The following TRPV1 variants were observed in gnomAD, a reference collection of about 807,000 sequenced individuals.
TRPV1 encodes the protein transient receptor potential cation channel subfamily V member 1, also known as OTRPC1.
In TRPV1, 82 loss-of-function variants were observed where a neutral mutation model predicts 82.3. The observed-to-expected ratio is 1.00, with a 90% CI of 0.83 to 1.20. The LOEUF (loss-of-function observed/expected upper bound fraction) is 1.20. TRPV1 is among the 50% of genes most tolerant of loss of function. The probability of loss-of-function intolerance (pLI) is 0.00; values close to 1 mark genes in which losing one functional copy is unlikely to be tolerated. For missense variants in TRPV1, 1,067 were observed against 1,096.8 expected (o/e 0.97, Z 0.38); for synonymous variants, 515 against 467.7 (o/e 1.10, Z -1.30).
Position 3,573,933 on chromosome 17 carries a change from G to C in TRPV1, c.1803C>G (p.Asp601Glu). 3 of 1,604,434 alleles carry C rather than the reference G, an allele frequency of 1.9e-6. No individual in the cohort carries two copies. Among genetic ancestry groups the C allele is most frequent in the Non-Finnish European group, 2.5e-6 (3 of 1,176,864 alleles). Reference sequence around the variant, plus strand: ...CAGACGGCAGGGAGTCATTCTTCCCGTCTTCAATCAGCGTCACCACCGCTA... The same window carrying C: ...CAGACGGCAGGGAGTCATTCTTCCCCTCTTCAATCAGCGTCACCACCGCTA... ...FSTAVVTLIE[D>E]GKNDSLPSES... The change falls in exon 14 of 17, where the codon GAC becomes GAG. Residue 601 changes from aspartate to glutamate, a missense_variant. Physicochemically the swap from Asp to Glu is conservative, Grantham distance 45. Coordinates refer to ENST00000572705, the MANE Select transcript of TRPV1 (RefSeq NM_080704.4).
chr17:3,600,374 G>C (rs1428047883), intron 2 of TRPV1, among the ~76,000 whole-genome samples: 1 of 152,164 alleles, frequency 6.6e-6, no homozygotes, highest in Non-Finnish European at 1.5e-5. Flanking sequence ...GACTGTCTGA[G>C]GTCAGGAGTT....
Position 3,570,301 on chromosome 17 carries a change from C to A in TRPV1, c.2347+1223G>T, listed in dbSNP as rs187958673. On this transcript the variant is annotated intron_variant, in intron 16 of 16. Coordinates refer to ENST00000572705, the MANE Select transcript of TRPV1 (RefSeq NM_080704.4). ...AGGAGAATCGCTTGAACCCGGGAGG[C>A]GGAGGGTGCAGTAAACCCAGATCAC... Among the ~76,000 whole-genome samples the A allele has an allele frequency of 9.0e-3, 1,352 of 150,326 alleles. 17 individuals are homozygous for A. The highest frequency in any genetic ancestry group is 0.031 in the African/African-American group (1,275 of 40,802).
At position 3,582,189 on chromosome 17, in the gene TRPV1, CAAAAAA is replaced by C. The variant is rs71153376; in HGVS notation, c.1476+1143_1476+1148del. Reference sequence around the variant, plus strand: ...TGGGCGAAAGAGTGAGACTCCATCTCAAAAAAAAAAAAAAAAAAAAAAAAATCACAG... The same window carrying C: ...TGGGCGAAAGAGTGAGACTCCATCTCAAAAAAAAAAAAAAAAAAATCACAG... On this transcript the variant is annotated intron_variant, in intron 10 of 16. Coordinates refer to ENST00000572705, the MANE Select transcript of TRPV1 (RefSeq NM_080704.4). Among the ~76,000 whole-genome samples the C allele has an allele frequency of 2.7e-4, 7 of 25,914 alleles. 1 individual carries two copies. The East Asian group carries it at 0.013, about 47-fold the overall frequency. The allele number at this position is 25,914 out of a possible 152,430, so 17.0% of individuals were successfully genotyped here.
chr17:3,583,501 TG>T, intron 9 of TRPV1, 71 bp from the exon 10 acceptor site: 1 of 1,275,574 alleles, frequency 7.8e-7, no homozygotes, highest in African/African-American at 1.5e-5. Flanking sequence ...ACCAGGTCCA[TG>T]AAGCCATAGT....
intron 16 of TRPV1, among the ~76,000 whole-genome samples, chr17:3,568,788 T>A (rs1187845731): frequency 6.6e-6 from 1 of 152,068 alleles, no homozygotes; most frequent in African/African-American, 2.4e-5. Flanking sequence ...GCACCTGTCA[T>A]CCCAACACTT....
chr17:3,588,958 C>G (rs1040163760), intron 7 of TRPV1: 1 of 1,535,574 alleles, frequency 6.5e-7, no homozygotes, highest in African/African-American at 1.4e-5. Flanking sequence ...GGTCCATTCT[C>G]GATAACCTCA....
At chr17:3,596,434 A>G (rs1456649199) in intron 2 of TRPV1, among the ~76,000 whole-genome samples, 1 of 152,196 alleles carries the variant, frequency 6.6e-6, no homozygotes, top group Admixed American at 6.5e-5. Context: ...AAAGGGAGGC[A>G]GTAGGCTGCG....
At position 3,603,773 on chromosome 17, in the gene TRPV1, A is replaced by G. The variant is rs116957819; in HGVS notation, c.-34+4654T>C. Among the ~76,000 whole-genome samples the G allele has an allele frequency of 3.7e-4, 57 of 152,338 alleles. No homozygotes were observed. The East Asian group carries it at 0.011, about 29-fold the overall frequency. On this transcript the variant is annotated intron_variant, in intron 2 of 16. Coordinates refer to ENST00000572705, the MANE Select transcript of TRPV1 (RefSeq NM_080704.4). ...TTGCTTAATGTTTGATGAGTCACGC[A>G]AGTGAGCATCTCTGTATCAGGACTC...
Position 3,592,396 on chromosome 17 carries a change from C to T in TRPV1, c.-33-13G>A, listed in dbSNP as rs1024720743. ...CCCAGTGTGCAACCTGCAGCAGCCA[C>T]CACGCCGGGGTTGACTCCCAAAGTA... On this transcript the variant is annotated splice_polypyrimidine_tract_variant and intron_variant, in intron 2 of 16. Coordinates refer to ENST00000572705, the MANE Select transcript of TRPV1 (RefSeq NM_080704.4). The T allele has an allele frequency of 6.5e-7, 1 of 1,539,684 alleles. No individual in the cohort carries two copies. Among genetic ancestry groups the T allele is most frequent in the Non-Finnish European group, 8.7e-7 (1 of 1,142,872 alleles).
intron 13 of TRPV1, 96 bp from the exon 14 acceptor site, chr17:3,574,051 T>A: frequency 1.8e-6 from 2 of 1,103,846 alleles, no homozygotes; most frequent in Non-Finnish European, 2.5e-6. Context: ...CTCAAATAAC[T>A]TTGTGACAAG....
chr17:3,603,448 TGTGCTAGA>T (rs2075278056), intron 2 of TRPV1, among the ~76,000 whole-genome samples: 1 of 152,218 alleles, frequency 6.6e-6, no homozygotes, highest in African/African-American at 2.4e-5. Context: ...GAGGCCCGCG[TGTGCTAGA>T]TGCCGGCTGT....
chr17:3,603,754 A>G (rs1461679296), intron 2 of TRPV1, among the ~76,000 whole-genome samples: 1 of 152,138 alleles, frequency 6.6e-6, no homozygotes, highest in East Asian at 1.9e-4. Context: ...AGGTTTGCTT[A>G]ATGTTTGATG....
intron 2 of TRPV1, among the ~76,000 whole-genome samples, chr17:3,595,450 A>T (rs1270993713): frequency 6.6e-6 from 1 of 152,096 alleles, no homozygotes; most frequent in African/African-American, 2.4e-5. Context: ...CTGGGGGCCA[A>T]TCAGAATAGG....
chr17:3,574,889 G>T (rs2074908674), intron 13 of TRPV1, among the ~76,000 whole-genome samples: 2 of 133,158 alleles, frequency 1.5e-5, no homozygotes, highest in Admixed American at 8.8e-5. Flanking sequence ...CTGCACTCCA[G>T]CCTGGGCGAC....
chr17:3,586,493 C>G (rs538247815), intron 8 of TRPV1, among the ~76,000 whole-genome samples: 1 of 152,190 alleles, frequency 6.6e-6, no homozygotes, highest in Non-Finnish European at 1.5e-5. Context: ...TCAAATAGGC[C>G]GGGTGTAGTG....
chr17:3,574,229 C>A (rs2150828613), intron 13 of TRPV1, among the ~76,000 whole-genome samples: 1 of 152,318 alleles, frequency 6.6e-6, no homozygotes, highest in Non-Finnish European at 1.5e-5. Context: ...CCATACGTGT[C>A]AGCTCTGGCC....
intron 8 of TRPV1, among the ~76,000 whole-genome samples, chr17:3,586,911 A>T (rs1465327748): frequency 6.6e-6 from 1 of 152,158 alleles, no homozygotes; most frequent in Non-Finnish European, 1.5e-5. Context: ...GAGGTTCCTG[A>T]TCAGTGTCTT....
chr17:3,593,081 CGTGTGTGTGTGTGTGTGTGTGTGT>C (rs57419633), intron 2 of TRPV1, among the ~76,000 whole-genome samples: 47 of 112,904 alleles, frequency 4.2e-4, no homozygotes, highest in African/African-American at 2.0e-3. Flanking sequence ...AATGTTTAGG[CGTGTGTGTGTGTGTGTGTGTGTGT>C]GTGTGTGTGT....
At chr17:3,580,741 G>A (rs1166483132) in intron 10 of TRPV1, among the ~76,000 whole-genome samples, 2 of 152,232 alleles carry the variant, frequency 1.3e-5, no homozygotes, top group African/African-American at 2.4e-5. Flanking sequence ...TGGAAGCCGG[G>A]CATGGTGGCT....
Sources: gnomAD v4.1 joint callset for allele counts (sites outside exome capture counted in the v4.1 genomes callset) on GRCh38, gnomAD v4.1.1 for gene constraint, MANE v1.5 for transcripts, NCBI Gene and HGNC (gene_info 2026-07-23, HGNC 2026-07-21) for gene names.